The following FSIP2 variants were observed in gnomAD, a reference collection of about 807,000 sequenced individuals.
The protein encoded by FSIP2 is fibrous sheath-interacting protein 2.
FSIP2 carries 367 observed loss-of-function variants against 510.5 expected under a neutral mutation model. The observed-to-expected ratio is 0.72, with a 90% confidence interval of 0.66 to 0.78. The LOEUF (loss-of-function observed/expected upper bound fraction) is 0.78, where lower values mean the gene tolerates loss of function less well. Among genes scored for constraint, FSIP2 ranks in the 30% least tolerant of loss-of-function variants. The probability of loss-of-function intolerance (pLI) is 0.00; values close to 1 mark genes in which losing one functional copy is unlikely to be tolerated. For synonymous variants in FSIP2, 2,601 were observed against 2,732.2 expected (o/e 0.95, Z 1.50); for missense variants, 7,594 against 7,901.7 (o/e 0.96, Z 1.48).
chr2:185,809,203 C>A, intron 17 of FSIP2, 70 bp downstream of exon 17: 1 of 1,479,320 alleles, frequency 6.8e-7, no homozygotes, highest in Non-Finnish European at 9.0e-7. Flanking sequence ...TTTCCTTCCT[C>A]AAATAAGTAT....
At position 185,790,923 on chromosome 2, in the gene FSIP2, A is replaced by T. The variant is rs1693107218; in HGVS notation, c.3787A>T (p.Ile1263Phe). 1 of 1,525,540 alleles carries T rather than the reference A, an allele frequency of 6.6e-7. No individual in the cohort carries two copies. The highest frequency in any genetic ancestry group is 1.4e-5 in the African/African-American group (1 of 72,194). The allele number at this position is 1,525,540 out of a possible 1,614,324, so 94.5% of individuals were successfully genotyped here. ...ACCTGTAGATGACATTAATGATAAGATCATTCGTACAATTTTTAAAAGACT... is the reference window on the plus strand; with the variant it reads ...ACCTGTAGATGACATTAATGATAAGTTCATTCGTACAATTTTTAAAAGACT... ...PKPVDDINDKIIRTIFKRLKS... is the reference protein window; with the variant it reads ...PKPVDDINDKFIRTIFKRLKS... Residue 1263 changes from isoleucine (I) to phenylalanine (F), a missense_variant, in exon 16 of 23, where the codon ATC becomes TTC. Ile to Phe is a conservative substitution (Grantham distance 21). Transcript: ENST00000424728.
At position 185,804,602 on chromosome 2, in the gene FSIP2, T is replaced by G. The variant is rs1490629387; in HGVS notation, c.15296T>G (p.Ile5099Ser). The G allele has an allele frequency of 1.3e-6, 2 of 1,533,204 alleles. No homozygotes were observed. Among genetic ancestry groups the G allele is most frequent in the South Asian group, 2.4e-5 (2 of 83,920 alleles). 95.0% of individuals were successfully genotyped at this position (1,533,204 alleles called of 1,614,324 possible). A position where few individuals can be genotyped will look rare whatever the true frequency, so the allele number is the denominator to read the frequency against. ...ATCATCAGAAATGTGCTTAACATAATCACAAAGGATAGCCATGCCTTGCCA... is the reference window on the plus strand; with the variant it reads ...ATCATCAGAAATGTGCTTAACATAAGCACAAAGGATAGCCATGCCTTGCCA... ...DNIIRNVLNI[I>S]TKDSHALPPY... Residue 5099 changes from isoleucine to serine, a missense_variant, in exon 17 of 23, where the codon ATC (isoleucine) becomes AGC (serine). Physicochemically the swap from Ile to Ser is moderately radical, Grantham distance 142. Transcript: ENST00000424728.
At chr2:185,768,607 G>A (rs71432409) in intron 13 of FSIP2, among the ~76,000 whole-genome samples, 1,759 of 151,886 alleles carry the variant, frequency 0.012, 11 homozygotes, top group Non-Finnish European at 0.019. Flanking sequence ...TTTTTAATGG[G>A]CAAATAGTTA....
chr2:185,766,851 A>G (rs1270710153), intron 13 of FSIP2, among the ~76,000 whole-genome samples: 2,391 of 125,628 alleles, frequency 0.019, 23 homozygotes, highest in Non-Finnish European at 0.032. Flanking sequence ...TCATGCTGCT[A>G]TAAAGACACA....
At chr2:185,775,836 G>A (rs1019011721) in intron 13 of FSIP2, among the ~76,000 whole-genome samples, 9 of 152,020 alleles carry the variant, frequency 5.9e-5, no homozygotes, top group African/African-American at 1.7e-4. Flanking sequence ...GCTAATTTTT[G>A]TATTTTTAGT....
At chr2:185,765,309 T>G (rs1692446387) in intron 13 of FSIP2, 1 of 152,072 alleles carries the variant, frequency 6.6e-6, no homozygotes, top group African/African-American at 2.4e-5. Flanking sequence ...ATGTAGTTAC[T>G]ATTTGTGTGT....
intron 13 of FSIP2, among the ~76,000 whole-genome samples, chr2:185,768,784 T>A (rs1559017528): frequency 6.6e-6 from 1 of 152,182 alleles, no homozygotes; most frequent in East Asian, 1.9e-4. Flanking sequence ...CTCTCCCTGC[T>A]CCAACCCTCT....
chr2:185,774,421 C>G (rs2105581067), intron 13 of FSIP2, among the ~76,000 whole-genome samples: 1 of 152,264 alleles, frequency 6.6e-6, no homozygotes, highest in African/African-American at 2.4e-5. Flanking sequence ...TAAAACTTCA[C>G]TTTATCTTTA....
At chr2:185,784,897 C>CTGCCATT (rs1266925826) in intron 14 of FSIP2, among the ~76,000 whole-genome samples, 3 of 152,030 alleles carry the variant, frequency 2.0e-5, no homozygotes, top group Non-Finnish European at 4.4e-5. Flanking sequence ...GATACTTACC[C>CTGCCATT]TGCCATTTCT....
intron 19 of FSIP2, among the ~76,000 whole-genome samples, chr2:185,820,664 A>G (rs1693899090): frequency 6.6e-6 from 1 of 151,698 alleles, no homozygotes; most frequent in South Asian, 2.1e-4. Flanking sequence ...ATAAAACTAG[A>G]AATCAATAGC....
intron 13 of FSIP2, among the ~76,000 whole-genome samples, chr2:185,772,882 T>G (rs1265396505): frequency 2.0e-5 from 3 of 151,760 alleles, no homozygotes; most frequent in Admixed American, 6.6e-5. Flanking sequence ...TTTTTCTTTT[T>G]TCAGATCTAG....
chr2:185,780,153 G>A (rs1056629144), intron 13 of FSIP2, among the ~76,000 whole-genome samples: 1 of 150,838 alleles, frequency 6.6e-6, no homozygotes, highest in Non-Finnish European at 1.5e-5. Context: ...TGATTCTTCC[G>A]TCCCCCACCT....
intron 21 of FSIP2, among the ~76,000 whole-genome samples, chr2:185,830,335 T>G (rs1404979229): frequency 2.0e-5 from 3 of 151,886 alleles, no homozygotes; most frequent in Non-Finnish European, 4.4e-5. Context: ...AGATAAAAAC[T>G]TTAAAGTCAT....
chr2:185,783,451 A>G (rs1046049469), intron 14 of FSIP2, among the ~76,000 whole-genome samples: 3 of 152,176 alleles, frequency 2.0e-5, no homozygotes, highest in Admixed American at 6.5e-5. Context: ...GAAGTCTAGG[A>G]TAGACTTTAC....
rs1330461500 is a variant in FSIP2, at chr2:185,797,068, T to C, written c.9932T>C (p.Val3311Ala). 6.5e-7 allele frequency: 1 copy of C among 1,535,166 alleles called. No individual in the cohort carries two copies. The highest frequency in any genetic ancestry group is 8.7e-7 in the Non-Finnish European group (1 of 1,146,366). ...RVFHYENLKP[V>A]VEPNQIQTTI... ...TTTCATTATGAGAACCTAAAACCAG[T>C]TGTTGAACCAAACCAAATTCAGACA... is the stretch of plus-strand genomic sequence containing the variant. Residue 3311 changes from valine to alanine, a missense_variant, in exon 16 of 23, where the codon GTT (valine) becomes GCT (alanine). Physicochemically the swap from Val to Ala is moderately conservative, Grantham distance 64. Coordinates refer to ENST00000424728, the MANE Select transcript of FSIP2 (RefSeq NM_173651.4).
intron 22 of FSIP2, among the ~76,000 whole-genome samples, 199 bp from the exon 23 acceptor site, chr2:185,832,891 C>A (rs1300379046): frequency 6.6e-6 from 1 of 151,872 alleles, no homozygotes; most frequent in Non-Finnish European, 1.5e-5. Flanking sequence ...GAGTGTTCTG[C>A]TGAGAAAAGA....
In FSIP2 at chr2:185,808,375, G is replaced by A; in HGVS notation, c.19069G>A (p.Ala6357Thr). ...AGAAGAGGTGTTGGCCTTGTTCTTGGCTAAACTAATAAGGTTGCCAAGTTC... is the reference window on the plus strand; with the variant it reads ...AGAAGAGGTGTTGGCCTTGTTCTTGACTAAACTAATAAGGTTGCCAAGTTC... ...LLEEVLALFL[A>T]KLIRLPSSSS... Residue 6357 changes from alanine (A) to threonine (T), a missense_variant, in exon 17 of 23, where the codon GCT (alanine) becomes ACT (threonine). Physicochemically the swap from Ala to Thr is moderately conservative, Grantham distance 58. Coordinates refer to ENST00000424728, the MANE Select transcript of FSIP2 (RefSeq NM_173651.4). 6.2e-7 allele frequency: 1 copy of A among 1,611,202 alleles called. No individual in the cohort carries two copies. The highest frequency in any genetic ancestry group is 8.5e-7 in the Non-Finnish European group (1 of 1,179,038).
Position 185,809,005 on chromosome 2 carries a change from G to A in FSIP2, c.19699G>A (p.Ala6567Thr). 6.2e-7 allele frequency: 1 copy of A among 1,612,856 alleles called. No homozygotes were observed. Among genetic ancestry groups the A allele is most frequent in the Non-Finnish European group, 8.5e-7 (1 of 1,179,502 alleles). The change falls in exon 17 of 23, where the codon GCA becomes ACA. Residue 6567 changes from alanine to threonine, a missense_variant. By Grantham distance (58) the Ala-to-Thr change is moderately conservative. Transcript: ENST00000424728. ...TTTGAAAAGAACTGGACATAGCATAGCAGAACTGAGAAGAGCATCAATAAG... is the reference window on the plus strand; with the variant it reads ...TTTGAAAAGAACTGGACATAGCATAACAGAACTGAGAAGAGCATCAATAAG... Reference protein sequence around the residue: ...ECLKRTGHSIAELRRASISGR... With the variant: ...ECLKRTGHSITELRRASISGR...
At chr2:185,759,673 ATAT>A (rs1371632638) in intron 9 of FSIP2, among the ~76,000 whole-genome samples, 1 of 146,602 alleles carries the variant, frequency 6.8e-6, no homozygotes, top group African/African-American at 2.5e-5. Context: ...ATTATACATA[ATAT>A]TTATTATTTG....
Sources: allele counts gnomAD v4.1 joint callset (sites outside exome capture counted in the v4.1 genomes callset), GRCh38; gene constraint gnomAD v4.1.1; transcripts MANE v1.5; gene names NCBI Gene and HGNC (gene_info 2026-07-23, HGNC 2026-07-21).